The following MRTFB variants were observed in gnomAD, a reference collection of about 807,000 sequenced individuals.
The protein encoded by MRTFB is myocardin related transcription factor B, also known as myocardin-related transcription factor B.
Under a neutral mutation model 104.2 loss-of-function variants are expected in MRTFB, and 29 were observed. The observed-to-expected ratio is 0.28, with a 90% CI of 0.21 to 0.38. The LOEUF (loss-of-function observed/expected upper bound fraction) is 0.38. Ranked by LOEUF, MRTFB falls within the 10% of genes least tolerant of loss-of-function variation. The pLI, the probability that MRTFB is intolerant of heterozygous loss-of-function variation, is 1.00. For missense variants in MRTFB, 1,270 were observed against 1,341.6 expected (o/e 0.95, Z 0.83); for synonymous variants, 535 against 519.5 (o/e 1.03, Z -0.41).
chr16:14,049,625 T>C, the MRTFB span, among the ~76,000 whole-genome samples: 11 of 152,242 alleles, frequency 7.2e-5, no homozygotes, highest in African/African-American at 2.4e-4. Flanking sequence ...ACTTTGAATA[T>C]GGATTGTATA....
intron 9 of MRTFB, among the ~76,000 whole-genome samples, chr16:14,236,744 C>A (rs1435460709): frequency 1.3e-5 from 2 of 152,138 alleles, no homozygotes; most frequent in Non-Finnish European, 2.9e-5. Flanking sequence ...GTCTGTAGAG[C>A]CTTGTAAGAA....
At chr16:14,021,660 T>A in the MRTFB span, among the ~76,000 whole-genome samples, 3 of 152,304 alleles carry the variant, frequency 2.0e-5, no homozygotes, top group East Asian at 5.8e-4. Context: ...CACTTATAAG[T>A]GAGAACATAC....
chr16:14,073,213 C>T (rs958672592), intron 1 of MRTFB, among the ~76,000 whole-genome samples: 2 of 152,118 alleles, frequency 1.3e-5, no homozygotes, highest in South Asian at 2.1e-4. Context: ...TTAATCTGCC[C>T]GTTCATTTGA....
rs1390779026 is a variant in MRTFB, at chr16:14,250,284, T to G, written c.2403+1203T>G. Among the ~76,000 whole-genome samples the G allele has an allele frequency of 2.0e-5, 3 of 152,238 alleles. No homozygotes were observed. The East Asian group carries it at 5.8e-4, about 29-fold the overall frequency. On this transcript the variant is annotated intron_variant, in intron 13 of 16. Coordinates refer to ENST00000571589, the MANE Select transcript of MRTFB (RefSeq NM_001308142.2). ...ATATACACATAGACTTTCCTGCTTA[T>G]GAAATACAGAGGTTTTTTAGAATAT...
At chr16:14,087,752 C>T (rs565025825) in intron 2 of MRTFB, among the ~76,000 whole-genome samples, 2 of 152,292 alleles carry the variant, frequency 1.3e-5, no homozygotes, top group Non-Finnish European at 2.9e-5. Flanking sequence ...AGGATATCCT[C>T]CTACATCTTT....
At chr16:14,168,777 T>C (rs2039331212) in intron 3 of MRTFB, among the ~76,000 whole-genome samples, 1 of 152,244 alleles carries the variant, frequency 6.6e-6, no homozygotes, top group African/African-American at 2.4e-5. Context: ...TAAGTCTGCA[T>C]GCCCTTTTCA....
the MRTFB span, among the ~76,000 whole-genome samples, chr16:14,012,289 T>C: frequency 1.5e-5 from 2 of 130,986 alleles, no homozygotes; most frequent in African/African-American, 7.9e-5. Flanking sequence ...CATTTTCTTT[T>C]TCTTTCTTTC....
intron 3 of MRTFB, chr16:14,152,551 C>G (rs1383827669): frequency 6.6e-6 from 1 of 151,782 alleles, no homozygotes. Flanking sequence ...TTATGCATTT[C>G]TTTTTTTAAA....
At chr16:14,108,656 T>C (rs1211596474) in intron 2 of MRTFB, among the ~76,000 whole-genome samples, 1 of 152,226 alleles carries the variant, frequency 6.6e-6, no homozygotes. Flanking sequence ...GATTGGAGAT[T>C]CTGGATGCAT....
intron 1 of MRTFB, among the ~76,000 whole-genome samples, chr16:14,071,795 CT>C (rs919526185): frequency 2.2e-4 from 33 of 152,210 alleles, no homozygotes; most frequent in African/African-American, 8.0e-4. Context: ...ACCGGGACCC[CT>C]GCGCCCCCTT....
intron 10 of MRTFB, among the ~76,000 whole-genome samples, chr16:14,244,283 C>G (rs991689787): frequency 1.3e-5 from 2 of 152,212 alleles, no homozygotes; most frequent in East Asian, 3.9e-4. Context: ...TTTAGCCATC[C>G]AGCTTACTCT....
intron 6 of MRTFB, among the ~76,000 whole-genome samples, chr16:14,214,221 C>T (rs1453364127): frequency 6.6e-6 from 1 of 152,170 alleles, no homozygotes; most frequent in African/African-American, 2.4e-5. Context: ...GCAAAGCATT[C>T]TCGAAAGCTT....
the MRTFB span, among the ~76,000 whole-genome samples, chr16:14,063,282 ACATGTGTCT>A: frequency 6.6e-6 from 1 of 152,202 alleles, no homozygotes; most frequent in South Asian, 2.1e-4. Flanking sequence ...CTCGGGGTGC[ACATGTGTCT>A]CAAGATGTCA....
chr16:14,248,879 T>G, intron 12 of MRTFB, 47 bp from the exon 13 acceptor site: 1 of 1,598,740 alleles, frequency 6.3e-7, no homozygotes, highest in South Asian at 1.1e-5. Flanking sequence ...GATTTCTAAC[T>G]TTGATTCTGA....
At chr16:14,174,803 T>G (rs2039529451) in intron 3 of MRTFB, among the ~76,000 whole-genome samples, 1 of 152,224 alleles carries the variant, frequency 6.6e-6, no homozygotes, top group South Asian at 2.1e-4. Flanking sequence ...ACACATCAGT[T>G]AACCAAAATG....
intron 9 of MRTFB, among the ~76,000 whole-genome samples, chr16:14,235,322 C>T (rs1344784235): frequency 6.6e-6 from 1 of 152,164 alleles, no homozygotes; most frequent in South Asian, 2.1e-4. Context: ...GCATTGGAGT[C>T]GGAAATTCCA....
At chr16:14,017,056 CT>C in the MRTFB span, among the ~76,000 whole-genome samples, 39,820 of 124,882 alleles carry the variant, frequency 0.32, 4,936 homozygotes, top group Admixed American at 0.44. Flanking sequence ...CAGTCTTCTT[CT>C]TTTTTTTTTT....
the MRTFB span, chr16:14,020,392 A>G: frequency 6.6e-6 from 1 of 151,898 alleles, no homozygotes; most frequent in African/African-American, 2.4e-5. Flanking sequence ...ATGGTGTTTC[A>G]CCCATTGTTG....
Position 14,077,906 on chromosome 16 carries a change from T to C in MRTFB, c.-128-1384T>C, listed in dbSNP as rs544750396. On this transcript the variant is annotated intron_variant, in intron 1 of 16. Transcript: ENST00000571589. The stretch of plus-strand genomic sequence containing the variant: ...ATTAGAATCCAAGTTAAAACTAAGC[T>C]CTTGTTCAGTTTCAGCAGGACAATT... Among the ~76,000 whole-genome samples, 7 of 152,264 alleles carry C rather than the reference T, an allele frequency of 4.6e-5. No homozygotes were observed. In the South Asian group the frequency reaches 1.5e-3, roughly 32 times the overall value.
Sources: gnomAD v4.1 joint callset for allele counts (sites outside exome capture counted in the v4.1 genomes callset) on GRCh38, gnomAD v4.1.1 for gene constraint, MANE v1.5 for transcripts, NCBI Gene and HGNC (gene_info 2026-07-23, HGNC 2026-07-21) for gene names.